SLC24A3: variants seen among roughly 807,000 people sequenced by gnomAD.
The protein encoded by SLC24A3 is solute carrier family 24 member 3.
SLC24A3 carries 28 observed loss-of-function variants against 75.8 expected under a neutral mutation model. The ratio of observed to expected loss-of-function variants is 0.37; its 90% CI spans 0.27 to 0.51. The LOEUF is 0.51. Among genes scored for constraint, SLC24A3 ranks in the 20% least tolerant of loss-of-function variants. SLC24A3 has a pLI of 0.94. For missense variants in SLC24A3, 663 were observed against 847.8 expected (o/e 0.78, Z 2.71); for synonymous variants, 372 against 334.1 (o/e 1.11, Z -1.24).
At chr20:19,634,943 T>G (rs1213172239) in intron 6 of SLC24A3, among the ~76,000 whole-genome samples, 2 of 152,220 alleles carry the variant, frequency 1.3e-5, no homozygotes, top group Admixed American at 6.5e-5. Context: ...TAGAAGAAAT[T>G]TAATTATCTT....
chr20:19,476,866 T>C (rs3790222), intron 2 of SLC24A3, among the ~76,000 whole-genome samples: 101,513 of 151,884 alleles, frequency 0.67, 35,037 homozygotes, highest in African/African-American at 0.85. Context: ...CTCATTAATC[T>C]TCTCTCCCTC....
At chr20:19,255,730 G>C (rs1288812974) in intron 1 of SLC24A3, among the ~76,000 whole-genome samples, 1 of 152,208 alleles carries the variant, frequency 6.6e-6, no homozygotes, top group Admixed American at 6.5e-5. Flanking sequence ...TGCTAGATGA[G>C]ATGTGCTGTG....
intron 2 of SLC24A3, among the ~76,000 whole-genome samples, chr20:19,346,190 ATATATATATGG>A (rs1985409942): frequency 8.6e-6 from 1 of 116,388 alleles, no homozygotes; most frequent in Admixed American, 9.8e-5. Context: ...TATGGTGTAT[ATATATATATGG>A]TATATATATA....
At chr20:19,686,408 A>G (rs2122744235) in intron 12 of SLC24A3, among the ~76,000 whole-genome samples, 1 of 152,324 alleles carries the variant, frequency 6.6e-6, no homozygotes, top group Middle Eastern at 3.4e-3. Context: ...TTATCAGAGC[A>G]GGTGGTCCAA....
At chr20:19,512,622 C>T (rs973479720) in intron 2 of SLC24A3, among the ~76,000 whole-genome samples, 2 of 152,256 alleles carry the variant, frequency 1.3e-5, no homozygotes, top group Non-Finnish European at 2.9e-5. Context: ...CACTTACTGA[C>T]ATGGTGTCCT....
At chr20:19,518,731 C>T (rs775625151) in intron 3 of SLC24A3, among the ~76,000 whole-genome samples, 14 of 152,226 alleles carry the variant, frequency 9.2e-5, no homozygotes, top group Non-Finnish European at 1.6e-4. Context: ...ACCTCACCGT[C>T]CCTCCTTGCC....
At chr20:19,362,009 G>C (rs987390004) in intron 2 of SLC24A3, among the ~76,000 whole-genome samples, 2 of 152,020 alleles carry the variant, frequency 1.3e-5, no homozygotes, top group African/African-American at 2.4e-5. Context: ...TAATGGGCTG[G>C]GTTATTTTTA....
At chr20:19,593,958 G>T (rs528349256) in intron 6 of SLC24A3, among the ~76,000 whole-genome samples, 18 of 152,302 alleles carry the variant, frequency 1.2e-4, no homozygotes, top group African/African-American at 4.3e-4. Flanking sequence ...CACAACAGCT[G>T]CCGGGTGGGC....
In SLC24A3 at chr20:19,673,640, C is replaced by T. The variant is rs542774125; in HGVS notation, c.753C>T (p.Tyr251=). ...SLVLVLMYLI[Y]IVIMKYNACI... ...TCCTTGTGCTGATGTATCTTATCTA[C>T]ATTGTCATCATGAAGTAAGTAAAAT... is the stretch of plus-strand genomic sequence containing the variant. Residue 251 remains tyrosine, a synonymous_variant, in exon 9 of 17, where the codon TAC becomes TAT. Transcript: ENST00000328041. 4.3e-5 allele frequency: 70 copies of T among 1,613,876 alleles called. No individual in the cohort carries two copies. The South Asian group carries it at 6.6e-4, about 15-fold the overall frequency.
At chr20:19,339,913 T>C (rs1198095211) in intron 2 of SLC24A3, among the ~76,000 whole-genome samples, 1 of 152,198 alleles carries the variant, frequency 6.6e-6, no homozygotes, top group African/African-American at 2.4e-5. Flanking sequence ...AAGAATTCCT[T>C]CTGGCAGTTT....
At chr20:19,517,015 C>T (rs2030006703) in intron 3 of SLC24A3, among the ~76,000 whole-genome samples, 2 of 152,172 alleles carry the variant, frequency 1.3e-5, no homozygotes, top group Middle Eastern at 3.4e-3. Context: ...AACTGGTCTC[C>T]CACTCCCAAA....
intron 2 of SLC24A3, among the ~76,000 whole-genome samples, chr20:19,362,570 T>C (rs965161601): frequency 1.3e-5 from 2 of 152,264 alleles, no homozygotes; most frequent in Non-Finnish European, 2.9e-5. Context: ...GCAGTCACCA[T>C]GACGTTTCTG....
rs572490156 is a variant in SLC24A3 at position 19,367,318 on chromosome 20, G to C, written c.271+86231G>C. 3.3e-5 allele frequency among the ~76,000 whole-genome samples: 5 copies of C among 152,288 alleles called. No homozygotes were observed. The South Asian group carries it at 1.0e-3, about 32-fold the overall frequency. Reference sequence around the variant, plus strand: ...CTCCCCAAAGAGGAGTTCCTTACCAGTTTTAAATCTGGAAGCTGAGGGAGG... The same window carrying C: ...CTCCCCAAAGAGGAGTTCCTTACCACTTTTAAATCTGGAAGCTGAGGGAGG... On this transcript the variant is annotated intron_variant, in intron 2 of 16. Transcript: ENST00000328041.
At chr20:19,363,393 T>C (rs1269245659) in intron 2 of SLC24A3, among the ~76,000 whole-genome samples, 1 of 152,250 alleles carries the variant, frequency 6.6e-6, no homozygotes, top group Non-Finnish European at 1.5e-5. Context: ...TGCAGATATC[T>C]AAGTTCTAAT....
At chr20:19,613,179 A>G (rs537020227) in intron 6 of SLC24A3, among the ~76,000 whole-genome samples, 100 of 152,270 alleles carry the variant, frequency 6.6e-4, no homozygotes, top group African/African-American at 2.4e-3. Flanking sequence ...TCTCCATCCT[A>G]TGTATCATCA....
intron 6 of SLC24A3, among the ~76,000 whole-genome samples, chr20:19,599,791 C>T (rs529820847): frequency 1.3e-5 from 2 of 152,228 alleles, no homozygotes; most frequent in African/African-American, 4.8e-5. Flanking sequence ...CGTGGGAAGA[C>T]GCACCTTCCC....
intron 2 of SLC24A3, among the ~76,000 whole-genome samples, chr20:19,447,739 G>T (rs1054976360): frequency 1.3e-5 from 2 of 152,144 alleles, no homozygotes; most frequent in African/African-American, 4.8e-5. Context: ...ATACCAGGAT[G>T]CCCCATAGAT....
chr20:19,501,974 T>G (rs1988391065), intron 2 of SLC24A3, among the ~76,000 whole-genome samples: 1 of 152,044 alleles, frequency 6.6e-6, no homozygotes, highest in Non-Finnish European at 1.5e-5. Flanking sequence ...GTTTGGGGAA[T>G]CTTTAATGTG....
intron 1 of SLC24A3, among the ~76,000 whole-genome samples, chr20:19,222,062 GA>G (rs1312501673): frequency 1.3e-5 from 2 of 151,824 alleles, no homozygotes; most frequent in Non-Finnish European, 2.9e-5. Flanking sequence ...AATTTCTATA[GA>G]TTTTTTTTAA....
Sources: allele counts gnomAD v4.1 joint callset (sites outside exome capture counted in the v4.1 genomes callset), GRCh38; gene constraint gnomAD v4.1.1; transcripts MANE v1.5; gene names NCBI Gene and HGNC (gene_info 2026-07-23, HGNC 2026-07-21).